The following SLC17A5 variants were observed in gnomAD, a reference collection of about 807,000 sequenced individuals.
SLC17A5 encodes the protein sialin.
In SLC17A5, 47 loss-of-function variants were observed where a neutral mutation model predicts 59.4. The observed-to-expected ratio is 0.79, with a 90% confidence interval of 0.63 to 1.01. The LOEUF is 1.01. SLC17A5 is among the 50% of genes least tolerant of loss of function. The pLI is 0.00. For synonymous variants in SLC17A5, 202 were observed against 210.7 expected, an observed-to-expected ratio of 0.96 and a Z score of 0.36; for missense variants, 522 against 595.5, an observed-to-expected ratio of 0.88 and a Z score of 1.28.
chr6:73,612,949 A>T, intron 8 of SLC17A5, among the ~76,000 whole-genome samples: 1 of 151,984 alleles, frequency 6.6e-6, no homozygotes, highest in African/African-American at 2.4e-5. Flanking sequence ...GCTGCTCAGG[A>T]GACTGAGGTG....
intron 4 of SLC17A5, among the ~76,000 whole-genome samples, chr6:73,637,264 GT>G (rs1204713096): frequency 3.3e-5 from 5 of 152,186 alleles, no homozygotes; most frequent in Admixed American, 3.3e-4. Flanking sequence ...CAGTTGAACA[GT>G]TACTGAGTAC....
chr6:73,622,928 G>C (rs1229807966), intron 6 of SLC17A5, among the ~76,000 whole-genome samples: 1 of 152,210 alleles, frequency 6.6e-6, no homozygotes, highest in Non-Finnish European at 1.5e-5. Context: ...TGGCCCTGGA[G>C]TATGTCAGGT....
chr6:73,613,915 T>C (rs1237089933), intron 8 of SLC17A5, among the ~76,000 whole-genome samples: 1 of 151,922 alleles, frequency 6.6e-6, no homozygotes, highest in Non-Finnish European at 1.5e-5. Context: ...GGCCAGGAGT[T>C]CAAGGCCAAT....
At chr6:73,615,558 AT>A in intron 7 of SLC17A5, 111 bp from the exon 8 acceptor site, 10 of 1,040,574 alleles carry the variant, frequency 9.6e-6, no homozygotes, top group Non-Finnish European at 1.4e-5. Context: ...ATGCATAGCA[AT>A]ATGTTGTTAA....
rs938101495 is a variant in SLC17A5 at position 73,593,755 on chromosome 6, T to C, written c.*1322A>G. The C allele has an allele frequency of 3.9e-5, 6 of 151,910 alleles. No individual in the cohort carries two copies. Among genetic ancestry groups the C allele is most frequent in the Non-Finnish European group, 7.4e-5 (5 of 67,972 alleles). 9.4% of individuals were successfully genotyped at this position (151,910 alleles called of 1,614,324 possible). The stretch of plus-strand genomic sequence containing the variant: ...CAGTGAGAATTAATTAAAAAAAAAA[T>C]TCTCGTGTAGCTTAAAAACATAGAA... On this transcript the variant is annotated 3_prime_UTR_variant, in exon 11 of 11. Transcript: ENST00000355773.
chr6:73,600,955 C>T (rs985078833), intron 9 of SLC17A5, among the ~76,000 whole-genome samples: 4 of 152,162 alleles, frequency 2.6e-5, no homozygotes, highest in Admixed American at 2.0e-4. Context: ...ACATTAGGCC[C>T]GGCCGCCACC....
intron 6 of SLC17A5, among the ~76,000 whole-genome samples, chr6:73,631,363 C>T (rs1441393695): frequency 6.6e-6 from 1 of 151,848 alleles, no homozygotes; most frequent in Non-Finnish European, 1.5e-5. Context: ...ACATCTTCCT[C>T]TCCCAGCTAA....
chr6:73,596,683 C>T (rs1006882203), intron 10 of SLC17A5, among the ~76,000 whole-genome samples: 8 of 151,340 alleles, frequency 5.3e-5, no homozygotes, highest in East Asian at 1.9e-4. Flanking sequence ...GGTGAAACCC[C>T]GTCTTTACTA....
intron 7 of SLC17A5, chr6:73,618,304 A>G (rs1561991300): frequency 1.2e-5 from 2 of 164,544 alleles, no homozygotes; most frequent in Admixed American, 6.9e-5. Flanking sequence ...AAAATAAAAT[A>G]AAATGAGTTT....
At chr6:73,619,221 G>A (rs1049608820) in intron 7 of SLC17A5, among the ~76,000 whole-genome samples, 8 of 152,290 alleles carry the variant, frequency 5.3e-5, no homozygotes, top group African/African-American at 1.9e-4. Flanking sequence ...CAAAGATCAA[G>A]AGCCCTGAAG....
At chr6:73,645,193 T>A (rs998630268) in intron 1 of SLC17A5, 2 of 213,274 alleles carry the variant, frequency 9.4e-6, no homozygotes, top group Non-Finnish European at 8.1e-6. Flanking sequence ...TATTACTGAT[T>A]ATGAGTTAGT....
chr6:73,643,127 A>C (rs909162454), intron 2 of SLC17A5, among the ~76,000 whole-genome samples: 6 of 151,912 alleles, frequency 3.9e-5, no homozygotes, highest in Non-Finnish European at 8.8e-5. Context: ...AGCACTGAAA[A>C]TGGGTGAAAA....
chr6:73,611,839 T>C lies in SLC17A5; in HGVS notation c.1112-1292A>G, dbSNP rs546635747. ...TTACATTTATTTACTTATTTATTTATTTTCTTGTTTTTTTGAGACAGGGTC... is the reference window on the plus strand; with the variant it reads ...TTACATTTATTTACTTATTTATTTACTTTCTTGTTTTTTTGAGACAGGGTC... On this transcript the variant is annotated intron_variant, in intron 8 of 10. Coordinates refer to ENST00000355773, the MANE Select transcript of SLC17A5 (RefSeq NM_012434.5). Among the ~76,000 whole-genome samples, 4 of 152,190 alleles carry C rather than the reference T, an allele frequency of 2.6e-5. No individual in the cohort carries two copies. In the East Asian group the frequency reaches 5.8e-4, roughly 22 times the overall value.
chr6:73,638,361 G>A, intron 4 of SLC17A5, 51 bp downstream of exon 4: 1 of 1,352,038 alleles, frequency 7.4e-7, no homozygotes. Flanking sequence ...TTTCCCAAAG[G>A]TTGATATATA....
chr6:73,638,108 C>A (rs1769108203), intron 4 of SLC17A5, among the ~76,000 whole-genome samples: 1 of 149,742 alleles, frequency 6.7e-6, no homozygotes, highest in Admixed American at 6.7e-5. Flanking sequence ...AAATTTAAAA[C>A]CCCCAAAAAA....
chr6:73,602,165 G>A (rs993841578), intron 9 of SLC17A5, among the ~76,000 whole-genome samples: 2 of 151,234 alleles, frequency 1.3e-5, no homozygotes, highest in Non-Finnish European at 2.9e-5. Context: ...TCTGAAACAT[G>A]TGCTGTGTCC....
At chr6:73,625,487 G>A (rs1425251512) in intron 6 of SLC17A5, among the ~76,000 whole-genome samples, 1 of 152,086 alleles carries the variant, frequency 6.6e-6, no homozygotes, top group Non-Finnish European at 1.5e-5. Flanking sequence ...GAGCCATTGC[G>A]CTTGGTTGTA....
In SLC17A5 at chr6:73,610,468, A is replaced by T. The variant is rs1254940948; in HGVS notation, c.1191T>A (p.Thr397=). The change falls in exon 9 of 11, where the codon ACT becomes ACA. Residue 397 remains threonine, a synonymous_variant. Coordinates refer to ENST00000355773, the MANE Select transcript of SLC17A5 (RefSeq NM_012434.5). ...CDYSLAVAFL[T]ISTTLGGFCS... is the part of the protein sequence containing the mutation. Reference sequence around the variant, plus strand: ...AAAAGCCTCCCAGTGTTGTTGATATAGTTAGGAAAGCAACGGCCAAAGAAT... The same window carrying T: ...AAAAGCCTCCCAGTGTTGTTGATATTGTTAGGAAAGCAACGGCCAAAGAAT... 3 of 1,614,200 alleles carry T rather than the reference A, an allele frequency of 1.9e-6. No individual in the cohort carries two copies. Among genetic ancestry groups the T allele is most frequent in the Admixed American group, 1.7e-5 (1 of 60,014 alleles).
intron 8 of SLC17A5, among the ~76,000 whole-genome samples, chr6:73,613,782 TTTTTA>T (rs1767732942): frequency 6.6e-6 from 1 of 152,254 alleles, no homozygotes; most frequent in Non-Finnish European, 1.5e-5. Flanking sequence ...AATATTATCA[TTTTTA>T]TTTTGTCTTG....
Sources: gnomAD v4.1 joint callset for allele counts (sites outside exome capture counted in the v4.1 genomes callset) on GRCh38, gnomAD v4.1.1 for gene constraint, MANE v1.5 for transcripts, NCBI Gene and HGNC (gene_info 2026-07-23, HGNC 2026-07-21) for gene names.